ZNF385D: variants seen among roughly 807,000 people sequenced by gnomAD.
ZNF385D encodes the protein zinc finger protein 659.
Under a neutral mutation model 35.8 loss-of-function variants are expected in ZNF385D, and 15 were observed. The observed-to-expected ratio is 0.42, with a 90% CI of 0.28 to 0.64. The LOEUF is 0.64. Among genes scored for constraint, ZNF385D ranks in the 30% least tolerant of loss-of-function variants. The pLI, the probability that ZNF385D is intolerant of heterozygous loss-of-function variation, is 0.23. For missense variants in ZNF385D, 474 were observed against 494.6 expected (o/e 0.96, Z 0.39); for synonymous variants, 212 against 186.8 (o/e 1.13, Z -1.10).
chr3:21,592,557 C>CAAA (rs67997432), intron 2 of ZNF385D, among the ~76,000 whole-genome samples: 4 of 114,864 alleles, frequency 3.5e-5, no homozygotes, highest in Non-Finnish European at 5.3e-5. Context: ...AAAAAAAAAC[C>CAAA]AAAAACAAAA....
intron 2 of ZNF385D, among the ~76,000 whole-genome samples, chr3:22,334,363 C>A (rs2125465859): frequency 6.6e-6 from 1 of 152,208 alleles, no homozygotes; most frequent in South Asian, 2.1e-4. Flanking sequence ...GCCTAAGAAT[C>A]AAAGGGCTTT....
chr3:21,974,071 C>G (rs897713355), intron 3 of ZNF385D, among the ~76,000 whole-genome samples: 2 of 151,804 alleles, frequency 1.3e-5, no homozygotes, highest in Middle Eastern at 3.4e-3. Context: ...AAAACATAAT[C>G]CTAAAATGTA....
At chr3:22,174,364 G>C (rs149366962) in intron 2 of ZNF385D, among the ~76,000 whole-genome samples, 399 of 152,248 alleles carry the variant, frequency 2.6e-3, no homozygotes, top group Non-Finnish European at 4.3e-3. Flanking sequence ...AAGTTTCTAA[G>C]ACAATCTGAA....
intron 3 of ZNF385D, among the ~76,000 whole-genome samples, chr3:22,158,664 TTACACACACACACA>T (rs964269348): frequency 2.0e-5 from 3 of 150,726 alleles, no homozygotes; most frequent in African/African-American, 4.8e-5. Flanking sequence ...TAATACCATC[TTACACACACACACA>T]TACACACACA....
rs185865408 is a variant in ZNF385D, at chr3:22,270,191, C to G, written c.107-101156G>C. 6.8e-4 allele frequency among the ~76,000 whole-genome samples: 103 copies of G among 152,110 alleles called. 1 individual carries two copies. Among genetic ancestry groups the G allele is most frequent in the African/African-American group, 2.4e-3 (98 of 41,538 alleles). ...CCCCTAGAAAAAGCCCTTTCTCTGG[C>G]TCACAGCTCAAATGGTACACTGTGG... On this transcript the variant is annotated intron_variant, in intron 2 of 5. Transcript: ENST00000494108.
In ZNF385D at chr3:22,222,775, TCACTTAGAATATTCA is replaced by T. The variant is rs1313694504; in HGVS notation, c.107-53755_107-53741del. Among the ~76,000 whole-genome samples, 9 of 152,336 alleles carry T rather than the reference TCACTTAGAATATTCA, an allele frequency of 5.9e-5. No homozygotes were observed. In the East Asian group the frequency reaches 1.7e-3, roughly 29 times the overall value. Reference sequence around the variant, plus strand: ...TAAAATGTGAATTTTTATTATTAGATCACTTAGAATATTCAGCAGTTTAGATAAAGAATGACATAA... The same window carrying T: ...TAAAATGTGAATTTTTATTATTAGATGCAGTTTAGATAAAGAATGACATAA... On this transcript the variant is annotated intron_variant, in intron 2 of 5. Transcript: ENST00000494108.
chr3:21,678,147 G>A (rs1337802065), intron 1 of ZNF385D, among the ~76,000 whole-genome samples: 1 of 152,058 alleles, frequency 6.6e-6, no homozygotes, highest in African/African-American at 2.4e-5. Flanking sequence ...TTGGAAGACA[G>A]ACAATAGAAT....
intron 2 of ZNF385D, among the ~76,000 whole-genome samples, chr3:22,251,682 C>A (rs148575619): frequency 3.9e-5 from 6 of 152,024 alleles, no homozygotes; most frequent in African/African-American, 1.4e-4. Context: ...GCCAAATGAC[C>A]CTTTAAATGG....
chr3:21,659,064 C>T (rs1379303416), intron 2 of ZNF385D, among the ~76,000 whole-genome samples: 1 of 151,992 alleles, frequency 6.6e-6, no homozygotes, highest in Non-Finnish European at 1.5e-5. Context: ...TCCTTTTTCT[C>T]CTCCTCCTCA....
chr3:21,635,776 C>T (rs2065413301), intron 2 of ZNF385D, among the ~76,000 whole-genome samples: 1 of 152,082 alleles, frequency 6.6e-6, no homozygotes, highest in East Asian at 1.9e-4. Flanking sequence ...ATTCTCATAG[C>T]TTAGCTCCCA....
In ZNF385D at chr3:22,026,508, T is replaced by C. The variant is rs541331144; in HGVS notation, c.325+142309A>G. On this transcript the variant is annotated intron_variant, in intron 3 of 5. Coordinates refer to the ZNF385D transcript ENST00000494108. ...TGTCACTGTGGTCCTCCAGTTAAAG[T>C]AGGGACTTATGGAAGTCAGACAATT... 2.6e-5 allele frequency among the ~76,000 whole-genome samples: 4 copies of C among 152,290 alleles called. No individual in the cohort carries two copies. The South Asian group carries it at 8.3e-4, about 32-fold the overall frequency.
At chr3:21,641,681 G>T (rs2065610528) in intron 2 of ZNF385D, among the ~76,000 whole-genome samples, 2 of 124,716 alleles carry the variant, frequency 1.6e-5, no homozygotes, top group Admixed American at 9.5e-5. Context: ...TTGCCATGTT[G>T]CCCAGATTGA....
At chr3:21,779,781 G>A (rs1269056755) in intron 3 of ZNF385D, among the ~76,000 whole-genome samples, 4 of 151,894 alleles carry the variant, frequency 2.6e-5, no homozygotes, top group Non-Finnish European at 5.9e-5. Context: ...CAGATATCTA[G>A]ACATGTTTAT....
chr3:22,014,874 A>G (rs1487671839), intron 3 of ZNF385D, among the ~76,000 whole-genome samples: 1 of 152,166 alleles, frequency 6.6e-6, no homozygotes, highest in Non-Finnish European at 1.5e-5. Flanking sequence ...AATATTTAAA[A>G]ATTCTGAAAG....
At chr3:22,264,155 A>T (rs1700776006) in intron 2 of ZNF385D, among the ~76,000 whole-genome samples, 1 of 152,054 alleles carries the variant, frequency 6.6e-6, no homozygotes, top group African/African-American at 2.4e-5. Context: ...ACTGTGAGGC[A>T]TATATAAGAT....
At chr3:22,262,915 G>C (rs976835706) in intron 2 of ZNF385D, among the ~76,000 whole-genome samples, 5 of 151,806 alleles carry the variant, frequency 3.3e-5, no homozygotes, top group African/African-American at 1.2e-4. Context: ...CCTTACCCAG[G>C]CACAGGTGCC....
At chr3:22,030,287 A>ATGTGTG (rs1407044673) in intron 3 of ZNF385D, among the ~76,000 whole-genome samples, 1 of 97,434 alleles carries the variant, frequency 1.0e-5, no homozygotes, top group African/African-American at 4.6e-5. Flanking sequence ...ATATATATAT[A>ATGTGTG]TATATATATA....
intron 3 of ZNF385D, among the ~76,000 whole-genome samples, chr3:21,517,624 A>G (rs1221644449): frequency 6.6e-6 from 1 of 152,174 alleles, no homozygotes; most frequent in African/African-American, 2.4e-5. Flanking sequence ...CCCACCTCCA[A>G]TCAGAGTTAA....
intron 4 of ZNF385D, among the ~76,000 whole-genome samples, chr3:21,455,434 C>A (rs1291798838): frequency 6.6e-6 from 1 of 152,108 alleles, no homozygotes. Context: ...TAATACCACA[C>A]ATCTACAACC....
Sources: allele counts gnomAD v4.1 joint callset (sites outside exome capture counted in the v4.1 genomes callset), GRCh38; gene constraint gnomAD v4.1.1; transcripts MANE v1.5; gene names NCBI Gene and HGNC (gene_info 2026-07-23, HGNC 2026-07-21).